Variants in SESN1 observed in about 807,000 individuals in gnomAD.
SESN1 encodes sestrin-1.
In SESN1, 30 loss-of-function variants were observed where a neutral mutation model predicts 59.3. The ratio of observed to expected loss-of-function variants is 0.51; its 90% confidence interval spans 0.38 to 0.69. The LOEUF is 0.69. Among genes scored for constraint, SESN1 ranks in the 30% least tolerant of loss-of-function variants. SESN1 has a pLI of 0.00. For missense variants in SESN1, 566 were observed against 673.0 expected (o/e 0.84, Z 1.76); for synonymous variants, 197 against 219.9 (o/e 0.90, Z 0.92).
chr6:109,084,313 C>T (rs1253119232), intron 1 of SESN1, among the ~76,000 whole-genome samples: 1 of 152,118 alleles, frequency 6.6e-6, no homozygotes, highest in Non-Finnish European at 1.5e-5. Context: ...GTAATCCTAG[C>T]ACTTTGGGAG....
intron 1 of SESN1, among the ~76,000 whole-genome samples, chr6:109,028,499 G>A (rs923619179): frequency 3.3e-5 from 5 of 152,038 alleles, no homozygotes; most frequent in Non-Finnish European, 7.4e-5. Context: ...ACTGTCTGAT[G>A]AGTTTCTACT....
chr6:109,090,963 A>G (rs950275585), intron 1 of SESN1, among the ~76,000 whole-genome samples: 2 of 151,740 alleles, frequency 1.3e-5, no homozygotes, highest in Non-Finnish European at 2.9e-5. Flanking sequence ...TTTTGTAGAG[A>G]TGGGTCTTGC....
At chr6:109,013,547 A>G (rs1779891520) in intron 1 of SESN1, among the ~76,000 whole-genome samples, 1 of 152,222 alleles carries the variant, frequency 6.6e-6, no homozygotes, top group Admixed American at 6.5e-5. Context: ...GAATAGATAT[A>G]TTTTAGTAGA....
At chr6:109,071,007 T>A (rs1780925068) in intron 1 of SESN1, among the ~76,000 whole-genome samples, 1 of 152,218 alleles carries the variant, frequency 6.6e-6, no homozygotes, top group African/African-American at 2.4e-5. Context: ...TTTACCCATC[T>A]CATTTAAAGA....
Position 108,986,198 on chromosome 6 carries a change from T to C in SESN1, c.*1346A>G, listed in dbSNP as rs1779183980. 6.6e-6 allele frequency among the ~76,000 whole-genome samples: 1 copy of C among 152,226 alleles called. No individual in the cohort carries two copies. Among genetic ancestry groups the C allele is most frequent in the African/African-American group, 2.4e-5 (1 of 41,460 alleles). On this transcript the variant is annotated 3_prime_UTR_variant, in exon 10 of 10. Transcript: ENST00000436639. ...TTTTTAGTAATTCTTAAAATTCTATTGGAACTCTAAAACAGTTGAAAAGAG... is the reference window on the plus strand; with the variant it reads ...TTTTTAGTAATTCTTAAAATTCTATCGGAACTCTAAAACAGTTGAAAAGAG...
chr6:109,087,327 G>A (rs1357709477), intron 1 of SESN1, among the ~76,000 whole-genome samples: 1 of 150,258 alleles, frequency 6.7e-6, no homozygotes, highest in Non-Finnish European at 1.5e-5. Flanking sequence ...AAAAAAATTG[G>A]CTGTCTTCAA....
At chr6:108,999,576 G>C (rs1779572800) in intron 4 of SESN1, among the ~76,000 whole-genome samples, 1 of 152,082 alleles carries the variant, frequency 6.6e-6, no homozygotes, top group Non-Finnish European at 1.5e-5. Flanking sequence ...ATAACAATGA[G>C]ATGCCACTTC....
chr6:109,010,301 C>T (rs1180566569), intron 1 of SESN1, among the ~76,000 whole-genome samples: 1 of 152,174 alleles, frequency 6.6e-6, no homozygotes, highest in Non-Finnish European at 1.5e-5. Flanking sequence ...TTGTTGGGCC[C>T]AGAACCCAGA....
At chr6:109,034,147 T>C (rs928254546) in intron 1 of SESN1, among the ~76,000 whole-genome samples, 15 of 152,218 alleles carry the variant, frequency 9.9e-5, no homozygotes, top group African/African-American at 3.4e-4. Flanking sequence ...GAACCAACTG[T>C]CCTGTCTTAC....
intron 1 of SESN1, among the ~76,000 whole-genome samples, chr6:109,067,670 CACA>C (rs1325805361): frequency 5.9e-5 from 9 of 152,308 alleles, no homozygotes; most frequent in Non-Finnish European, 8.8e-5. Flanking sequence ...CTTGACTATT[CACA>C]AGAGCAATTT....
intron 1 of SESN1, among the ~76,000 whole-genome samples, chr6:109,019,702 A>T (rs1315990259): frequency 2.6e-5 from 4 of 152,244 alleles, no homozygotes; most frequent in Non-Finnish European, 5.9e-5. Flanking sequence ...GAAAAAAATT[A>T]AGTAGTTTGG....
intron 1 of SESN1, among the ~76,000 whole-genome samples, chr6:109,031,831 C>T (rs1466197242): frequency 6.6e-6 from 1 of 151,984 alleles, no homozygotes; most frequent in East Asian, 1.9e-4. Flanking sequence ...CTGAGTATCC[C>T]CTATACCAAA....
chr6:109,006,220 A>G (rs1402052655), intron 1 of SESN1, among the ~76,000 whole-genome samples: 1 of 152,240 alleles, frequency 6.6e-6, no homozygotes, highest in African/African-American at 2.4e-5. Flanking sequence ...AGAGTCTTAG[A>G]TTAATCCTTA....
chr6:109,019,682 C>T (rs1011071034), intron 1 of SESN1, among the ~76,000 whole-genome samples: 1 of 152,112 alleles, frequency 6.6e-6, no homozygotes, highest in African/African-American at 2.4e-5. Context: ...TTTCATATTA[C>T]ATTTCAATTG....
At chr6:109,005,762 C>A (rs1779719316) in intron 1 of SESN1, among the ~76,000 whole-genome samples, 1 of 152,066 alleles carries the variant, frequency 6.6e-6, no homozygotes, top group African/African-American at 2.4e-5. Flanking sequence ...GGGATGATGA[C>A]AAAATAATAA....
At chr6:109,009,587 G>T in intron 1 of SESN1, 1 of 1,064,944 alleles carries the variant, frequency 9.4e-7, no homozygotes, top group East Asian at 6.9e-5. Context: ...CAAACAAGCC[G>T]CGCGGCCCCG....
At chr6:109,036,956 C>G (rs777455590) in intron 1 of SESN1, among the ~76,000 whole-genome samples, 11 of 152,200 alleles carry the variant, frequency 7.2e-5, no homozygotes, top group Non-Finnish European at 1.6e-4. Flanking sequence ...TAAAAACTTT[C>G]TTTGGCTTTG....
At chr6:109,046,734 C>T (rs1461642161) in intron 1 of SESN1, among the ~76,000 whole-genome samples, 6 of 137,946 alleles carry the variant, frequency 4.3e-5, no homozygotes, top group Admixed American at 7.0e-5. Context: ...TCTGCCCCGC[C>T]GCCCCATCTG....
intron 9 of SESN1, 30 bp downstream of exon 9, chr6:108,988,513 C>T (rs1779263711): frequency 6.4e-7 from 1 of 1,572,160 alleles, no homozygotes; most frequent in Non-Finnish European, 8.6e-7. Flanking sequence ...TGCTAAGTTA[C>T]AAAGTAAATA....
Sources: allele counts gnomAD v4.1 joint callset (sites outside exome capture counted in the v4.1 genomes callset), GRCh38; gene constraint gnomAD v4.1.1; transcripts MANE v1.5; gene names NCBI Gene and HGNC (gene_info 2026-07-23, HGNC 2026-07-21).